DENND5A: variants seen among roughly 807,000 people sequenced by gnomAD.
DENND5A encodes DENN domain containing 5A.
A neutral mutation model predicts 140.3 loss-of-function variants in DENND5A; 64 were observed. That is an observed-to-expected ratio of 0.46 (90% CI 0.37 to 0.56). The LOEUF (loss-of-function observed/expected upper bound fraction) is 0.56. Among genes scored for constraint, DENND5A ranks in the 20% least tolerant of loss-of-function variants. The pLI, the probability that DENND5A is intolerant of heterozygous loss-of-function variation, is 0.00. For synonymous variants in DENND5A, 605 were observed against 607.7 expected (o/e 1.00, Z 0.07); for missense variants, 1,292 against 1,593.8 (o/e 0.81, Z 3.22).
intron 1 of DENND5A, among the ~76,000 whole-genome samples, chr11:9,253,104 C>T (rs983566406): frequency 6.6e-6 from 1 of 152,104 alleles, no homozygotes; most frequent in Non-Finnish European, 1.5e-5. Flanking sequence ...CTCCCCCACT[C>T]GGCCCCTCAA....
At chr11:9,167,603 C>A (rs1015007041) in intron 10 of DENND5A, among the ~76,000 whole-genome samples, 2 of 151,424 alleles carry the variant, frequency 1.3e-5, no homozygotes, top group African/African-American at 4.9e-5. Context: ...CATGAAGAAA[C>A]CCTGTCTCTA....
In DENND5A at chr11:9,233,767, G is replaced by A. The variant is rs189285793; in HGVS notation, c.110-26135C>T. Among the ~76,000 whole-genome samples the A allele has an allele frequency of 3.4e-3, 517 of 152,298 alleles. 2 individuals are homozygous for A. The highest frequency in any genetic ancestry group is 0.012 in the African/African-American group (495 of 41,566). The stretch of plus-strand genomic sequence containing the variant: ...AATTATTCTCCCCAAGAGCCTCTGA[G>A]GGGGTGTGCCCTGCTGACACCCTGA... On this transcript the variant is annotated intron_variant, in intron 1 of 22. Transcript: ENST00000328194.
intron 5 of DENND5A, among the ~76,000 whole-genome samples, chr11:9,187,962 T>C (rs866780617): frequency 4.3e-4 from 65 of 152,190 alleles, no homozygotes; most frequent in African/African-American, 1.3e-3. Flanking sequence ...GAAAGTCCTT[T>C]TTATAAACCA....
rs1284958562 is a variant in DENND5A, at chr11:9,174,139, A to T, written c.1907-3362T>A. Among the ~76,000 whole-genome samples the T allele has an allele frequency of 3.7e-3, 543 of 148,402 alleles. 1 individual carries two copies. The highest frequency in any genetic ancestry group is 6.4e-3 in the Non-Finnish European group (427 of 66,902). On this transcript the variant is annotated intron_variant, in intron 8 of 22. Transcript: ENST00000328194. ...AAAAAAAAAAAAAAAAGAAAAAAAA[A>T]TTGAAAATATTCAATTAGTACACAA...
chr11:9,192,709 G>A (rs1482470224), intron 5 of DENND5A, among the ~76,000 whole-genome samples: 3 of 151,868 alleles, frequency 2.0e-5, no homozygotes, highest in Non-Finnish European at 4.4e-5. Context: ...GAGTCATGGT[G>A]ACACCAGTGT....
rs571956194 is a variant in DENND5A at position 9,156,673 on chromosome 11, G to A, written c.2436+4040C>T. ...AAAAATTAGCCAGGCATTGTGGTGC[G>A]GAGCTGTAGTCCCAGCTACTTGGCA... On this transcript the variant is annotated intron_variant, in intron 12 of 22. Coordinates refer to ENST00000328194, the MANE Select transcript of DENND5A (RefSeq NM_015213.4). 8.5e-5 allele frequency among the ~76,000 whole-genome samples: 13 copies of A among 152,056 alleles called. No homozygotes were observed. In the East Asian group the frequency reaches 9.7e-4, roughly 11 times the overall value.
At chr11:9,251,753 G>A (rs914535915) in intron 1 of DENND5A, among the ~76,000 whole-genome samples, 1 of 152,150 alleles carries the variant, frequency 6.6e-6, no homozygotes, top group Admixed American at 6.6e-5. Flanking sequence ...ACTTTGGGAG[G>A]CCGAGGCGGG....
chr11:9,256,173 A>C (rs1851937460), intron 1 of DENND5A, among the ~76,000 whole-genome samples: 1 of 152,026 alleles, frequency 6.6e-6, no homozygotes, highest in Non-Finnish European at 1.5e-5. Flanking sequence ...AACAATCAAA[A>C]ACTGAAGGCC....
At chr11:9,158,660 T>G (rs1202075482) in intron 12 of DENND5A, among the ~76,000 whole-genome samples, 1 of 152,166 alleles carries the variant, frequency 6.6e-6, no homozygotes, top group Non-Finnish European at 1.5e-5. Flanking sequence ...AGTTATTAAG[T>G]GGAAATCATA....
chr11:9,203,853 C>T lies in DENND5A; in HGVS notation c.756G>A (p.Pro252=), dbSNP rs138891291. Reference sequence around the variant, plus strand: ...TCAAGGACCGGCCAGGAGGTGGGAGCGGCACCTCGTAGAGTACGTTGTATA... The same window carrying T: ...TCAAGGACCGGCCAGGAGGTGGGAGTGGCACCTCGTAGAGTACGTTGTATA... ...SYIYNVLYEV[P]LPPPGRSLKF... is the part of the protein sequence containing the mutation. The change falls in exon 4 of 23, where the codon CCG becomes CCA. Residue 252 remains proline, a synonymous_variant. Coordinates refer to ENST00000328194, the MANE Select transcript of DENND5A (RefSeq NM_015213.4). 32 of 1,613,994 alleles carry T rather than the reference C, an allele frequency of 2.0e-5. No homozygotes were observed. The highest frequency in any genetic ancestry group is 1.6e-4 in the Middle Eastern group (1 of 6,084).
At chr11:9,206,149 T>A (rs1849684736) in intron 3 of DENND5A, among the ~76,000 whole-genome samples, 1 of 152,156 alleles carries the variant, frequency 6.6e-6, no homozygotes, top group African/African-American at 2.4e-5. Flanking sequence ...CTTATTAGAG[T>A]GCCTAGCACA....
chr11:9,232,664 G>GTT (rs1169666005), intron 1 of DENND5A, among the ~76,000 whole-genome samples: 2 of 152,142 alleles, frequency 1.3e-5, no homozygotes, highest in Non-Finnish European at 2.9e-5. Context: ...CTGTCTGGCA[G>GTT]CACCTACTAA....
At position 9,203,816 on chromosome 11, in the gene DENND5A, C is replaced by A. The variant is rs1849599319; in HGVS notation, c.793G>T (p.Val265Phe). ...PPGRSLKFSG[V>F]YGPIICQRPS... ...CTCTGGCAGATTATTGGCCCATAGA[C>A]CCCAGAAAACTTCAAGGACCGGCCA... Residue 265 changes from valine to phenylalanine, a missense_variant, in exon 4 of 23, where the codon GTC becomes TTC. Physicochemically the swap from Val to Phe is conservative, Grantham distance 50 (BLOSUM62 -1). Around this residue, in one of 4 missense-constraint regions of DENND5A, gnomAD observed 566 missense variants for 650.4 expected, o/e 0.87. Transcript: ENST00000328194. 6.2e-7 allele frequency: 1 copy of A among 1,613,966 alleles called. No homozygotes were observed. The highest frequency in any genetic ancestry group is 1.7e-5 in the Admixed American group (1 of 59,984).
chr11:9,248,374 G>C (rs189872785), intron 1 of DENND5A, among the ~76,000 whole-genome samples: 23 of 152,020 alleles, frequency 1.5e-4, no homozygotes, highest in African/African-American at 5.5e-4. Flanking sequence ...AGGGAGGTTG[G>C]CCATGCCTCA....
intron 19 of DENND5A, 120 bp from the exon 20 acceptor site, chr11:9,143,605 A>G: frequency 2.5e-6 from 2 of 789,110 alleles, no homozygotes; most frequent in South Asian, 1.5e-5. Context: ...GCTGGACCCT[A>G]GGAAGCAGAG....
chr11:9,249,575 T>G (rs1851627664), intron 1 of DENND5A, among the ~76,000 whole-genome samples: 4 of 152,058 alleles, frequency 2.6e-5, no homozygotes. Context: ...TGAGACAGAG[T>G]TTCGCTCTTG....
chr11:9,165,726 G>T, intron 11 of DENND5A, 110 bp downstream of exon 11: 1 of 1,324,726 alleles, frequency 7.5e-7, no homozygotes, highest in Non-Finnish European at 1.1e-6. Context: ...GAGCCATCAC[G>T]CCCAGCCAAC....
chr11:9,213,941 T>C lies in DENND5A; in HGVS notation c.110-6309A>G, dbSNP rs958441139. ...TATAAGGTCTATTTCATATTATCTG[T>C]AGATCATCTGCAGCAAGAGTGATGA... On this transcript the variant is annotated intron_variant, in intron 1 of 22. Transcript: ENST00000328194. 7.2e-5 allele frequency among the ~76,000 whole-genome samples: 11 copies of C among 152,308 alleles called. No individual in the cohort carries two copies. The East Asian group carries it at 2.1e-3, about 29-fold the overall frequency.
chr11:9,260,927 CA>C (rs1466818192), intron 1 of DENND5A, among the ~76,000 whole-genome samples: 1 of 152,142 alleles, frequency 6.6e-6, no homozygotes, highest in Non-Finnish European at 1.5e-5. Context: ...CAGTTCACTG[CA>C]ACCTCTGCCT....
Sources: allele counts gnomAD v4.1 joint callset (sites outside exome capture counted in the v4.1 genomes callset), GRCh38; gene constraint gnomAD v4.1.1; regional missense constraint gnomAD v4.1.1; transcripts MANE v1.5; gene names NCBI Gene and HGNC (gene_info 2026-07-23, HGNC 2026-07-21).